RSPO2: variants seen among roughly 807,000 people sequenced by gnomAD.
RSPO2 encodes R-spondin-2.
RSPO2 carries 14 observed loss-of-function variants against 30.9 expected under a neutral mutation model. The ratio of observed to expected loss-of-function variants is 0.45; its 90% CI spans 0.30 to 0.71. The LOEUF (loss-of-function observed/expected upper bound fraction) is 0.71. RSPO2 is among the 30% of genes least tolerant of loss of function. The pLI is 0.08. For missense variants in RSPO2, 264 were observed against 301.9 expected, an observed-to-expected ratio of 0.87 and a Z score of 0.93; for synonymous variants, 107 against 96.4, an observed-to-expected ratio of 1.11 and a Z score of -0.64.
At chr8:107,946,022 A>G (rs1306840718) in intron 5 of RSPO2, among the ~76,000 whole-genome samples, 1 of 152,248 alleles carries the variant, frequency 6.6e-6, no homozygotes, top group Non-Finnish European at 1.5e-5. Flanking sequence ...TTATAGCAAC[A>G]TTCTAGGTAA....
chr8:107,904,945 C>G (rs946235691), intron 5 of RSPO2, among the ~76,000 whole-genome samples: 1 of 152,096 alleles, frequency 6.6e-6, no homozygotes, highest in Admixed American at 6.5e-5. Flanking sequence ...CATAACCTAT[C>G]AACTCTTCTG....
intron 2 of RSPO2, among the ~76,000 whole-genome samples, chr8:108,070,132 CAAT>C (rs1352625896): frequency 6.6e-6 from 1 of 152,082 alleles, no homozygotes; most frequent in Non-Finnish European, 1.5e-5. Context: ...AAGTTTACAA[CAAT>C]GATGCAGAAG....
chr8:107,919,895 T>TCTTA (rs1812098404), intron 5 of RSPO2, among the ~76,000 whole-genome samples: 2 of 152,064 alleles, frequency 1.3e-5, no homozygotes, highest in Admixed American at 6.6e-5. Context: ...ATAGTAAAAG[T>TCTTA]TTATGAGTCA....
chr8:108,062,306 GA>G (rs1812495983), intron 2 of RSPO2, among the ~76,000 whole-genome samples: 1 of 151,750 alleles, frequency 6.6e-6, no homozygotes, highest in Non-Finnish European at 1.5e-5. Context: ...TAACAAAGAA[GA>G]AAAGAGAGAA....
At chr8:107,971,748 C>A (rs146343608) in intron 3 of RSPO2, among the ~76,000 whole-genome samples, 1 of 152,158 alleles carries the variant, frequency 6.6e-6, no homozygotes, top group Non-Finnish European at 1.5e-5. Context: ...CGTCATTTCC[C>A]TACTTTAAAA....
intron 2 of RSPO2, among the ~76,000 whole-genome samples, chr8:108,014,964 G>C (rs1172709813): frequency 6.6e-6 from 1 of 151,768 alleles, no homozygotes; most frequent in Admixed American, 6.6e-5. Context: ...TAAATAATAA[G>C]CTCCTGGAAA....
intron 2 of RSPO2, among the ~76,000 whole-genome samples, chr8:108,069,919 A>G (rs550526401): frequency 3.9e-5 from 6 of 152,302 alleles, no homozygotes; most frequent in African/African-American, 1.4e-4. Context: ...AATTTTGTCT[A>G]ATACTTGTCT....
intron 2 of RSPO2, among the ~76,000 whole-genome samples, chr8:108,010,061 TA>T (rs371959510): frequency 0.2 from 28,736 of 143,704 alleles, 3,104 homozygotes; most frequent in Middle Eastern, 0.3. Context: ...AAAATAAAAA[TA>T]AAAAAAAAAA....
At chr8:107,929,203 G>T (rs550695960) in intron 5 of RSPO2, among the ~76,000 whole-genome samples, 3 of 152,250 alleles carry the variant, frequency 2.0e-5, no homozygotes, top group African/African-American at 7.2e-5. Context: ...AAACAGCTTT[G>T]CAAAAGTAAT....
At chr8:107,912,556 A>G (rs1466210636) in intron 5 of RSPO2, among the ~76,000 whole-genome samples, 1 of 152,198 alleles carries the variant, frequency 6.6e-6, no homozygotes, top group Admixed American at 6.5e-5. Flanking sequence ...TCCTGTGGAC[A>G]TATTCCAGAA....
At chr8:108,072,703 A>G (rs1812897337) in intron 2 of RSPO2, among the ~76,000 whole-genome samples, 1 of 152,038 alleles carries the variant, frequency 6.6e-6, no homozygotes, top group African/African-American at 2.4e-5. Context: ...GAACTTAAAA[A>G]TACTTTGGCT....
chr8:107,915,496 G>C (rs1811950387), intron 5 of RSPO2, among the ~76,000 whole-genome samples: 1 of 152,166 alleles, frequency 6.6e-6, no homozygotes, highest in Non-Finnish European at 1.5e-5. Context: ...AGATTTCAGG[G>C]AGATTTCTCA....
intron 5 of RSPO2, among the ~76,000 whole-genome samples, chr8:107,955,319 G>C (rs539396351): frequency 6.6e-6 from 1 of 152,220 alleles, no homozygotes; most frequent in South Asian, 2.1e-4. Context: ...GGAAATGGAG[G>C]CCAAGAGAGG....
chr8:107,965,477 G>A (rs1296388276), intron 3 of RSPO2, among the ~76,000 whole-genome samples: 1 of 152,112 alleles, frequency 6.6e-6, no homozygotes, highest in Admixed American at 6.5e-5. Context: ...CCTAGTATAT[G>A]CCAGACCCTA....
chr8:108,023,010 T>G (rs1267617197), intron 2 of RSPO2, among the ~76,000 whole-genome samples: 1 of 151,510 alleles, frequency 6.6e-6, no homozygotes, highest in African/African-American at 2.4e-5. Context: ...GAGAGATGCT[T>G]TTTATTCTCC....
At chr8:107,920,348 G>C (rs1389326356) in intron 5 of RSPO2, among the ~76,000 whole-genome samples, 2 of 152,072 alleles carry the variant, frequency 1.3e-5, no homozygotes, top group African/African-American at 4.8e-5. Context: ...CTACTTGTTA[G>C]AGCTTATAAA....
chr8:107,968,209 A>G (rs906024394), intron 3 of RSPO2, among the ~76,000 whole-genome samples: 4 of 152,150 alleles, frequency 2.6e-5, no homozygotes, highest in Admixed American at 6.6e-5. Flanking sequence ...CCACCAATGG[A>G]TGAAAGGATA....
chr8:107,901,126 C>G lies in RSPO2; in HGVS notation c.681G>C (p.Arg227Ser). The G allele has an allele frequency of 6.2e-7, 1 of 1,614,110 alleles. No individual in the cohort carries two copies. Among genetic ancestry groups the G allele is most frequent in the Non-Finnish European group, 8.5e-7 (1 of 1,179,990 alleles). The change falls in exon 6 of 6, where the codon AGG (arginine) becomes AGC (serine). Residue 227 changes from arginine to serine, a missense_variant. Physicochemically the swap from Arg to Ser is moderately radical, Grantham distance 110 (BLOSUM62 -1). Transcript: ENST00000276659. ...NKKKKRKLIE[R>S]AQEQHSVFLA... is the part of the protein sequence containing the mutation. Reference sequence around the variant, plus strand: ...GGAAGACGCTGTGTTGCTCCTGGGCCCTTTCTATCAGCTTCCTTTTCTTTT... The same window carrying G: ...GGAAGACGCTGTGTTGCTCCTGGGCGCTTTCTATCAGCTTCCTTTTCTTTT...
chr8:108,069,843 C>G (rs1189808194), intron 2 of RSPO2, among the ~76,000 whole-genome samples: 1 of 152,206 alleles, frequency 6.6e-6, no homozygotes, highest in Non-Finnish European at 1.5e-5. Context: ...TTGCATTTCT[C>G]TACCTTGTCT....
Sources: allele counts gnomAD v4.1 joint callset (sites outside exome capture counted in the v4.1 genomes callset), GRCh38; gene constraint gnomAD v4.1.1; transcripts MANE v1.5; gene names NCBI Gene and HGNC (gene_info 2026-07-23, HGNC 2026-07-21).